Variants in CREB3L2 observed in about 807,000 individuals in gnomAD.
CREB3L2 encodes the protein cyclic AMP-responsive element-binding protein 3-like protein 2.
CREB3L2 carries 23 observed loss-of-function variants against 57.2 expected under a neutral mutation model. That is an observed-to-expected ratio of 0.40 (90% CI 0.29 to 0.57). The LOEUF (loss-of-function observed/expected upper bound fraction) is 0.57, where lower values mean the gene tolerates loss of function less well. CREB3L2 is among the 20% of genes least tolerant of loss of function. The pLI, the probability that CREB3L2 is intolerant of heterozygous loss-of-function variation, is 0.42. For synonymous variants in CREB3L2, 268 were observed against 265.1 expected (o/e 1.01, Z -0.11); for missense variants, 628 against 634.7 (o/e 0.99, Z 0.11).
Position 138,001,433 on chromosome 7 carries a change from G to A in CREB3L2, c.102+171C>T, listed in dbSNP as rs1231816554. Among the ~76,000 whole-genome samples the A allele has an allele frequency of 6.6e-6, 1 of 152,226 alleles. No individual in the cohort carries two copies. Among genetic ancestry groups the A allele is most frequent in the Admixed American group, 6.5e-5 (1 of 15,284 alleles). On this transcript the variant is annotated intron_variant, in intron 1 of 11. Transcript: ENST00000330387. This position sits in a 1 kb window ranked among gnomAD's most constrained non-coding sequence, Gnocchi z 4.2. ...CATGAGAAATGTAAAGGGGCCAGCT[G>A]CCCGCCTTCATCTGCTCAGACATTA...
rs1448567741 is a variant in CREB3L2 at position 137,956,619 on chromosome 7, A to G, written c.103-28253T>C. 7.8e-6 allele frequency: 10 copies of G among 1,289,018 alleles called. No individual in the cohort carries two copies. The East Asian group carries it at 4.4e-4, about 57-fold the overall frequency. 79.8% of individuals were successfully genotyped at this position (1,289,018 alleles called of 1,614,324 possible). The stretch of plus-strand genomic sequence containing the variant: ...TCCTTCACACGGACAGCCATGCCGA[A>G]TATTTCTCGAGAAGCCAGCAGCCCA... On this transcript the variant is annotated intron_variant, in intron 1 of 11. Coordinates refer to ENST00000330387, the MANE Select transcript of CREB3L2 (RefSeq NM_194071.4).
chr7:137,993,581 G>A (rs575120722), intron 1 of CREB3L2, among the ~76,000 whole-genome samples: 4 of 152,266 alleles, frequency 2.6e-5, no homozygotes, highest in East Asian at 1.9e-4. Context: ...GTATAGAGGC[G>A]TGATCACAGC....
intron 2 of CREB3L2, among the ~76,000 whole-genome samples, chr7:137,923,765 A>C (rs1800386492): frequency 6.6e-6 from 1 of 151,764 alleles, no homozygotes; most frequent in Admixed American, 6.6e-5. Flanking sequence ...TCATTTCAAA[A>C]CCCATTTTTT....
intron 1 of CREB3L2, among the ~76,000 whole-genome samples, chr7:137,975,295 A>G (rs775593811): frequency 2.6e-5 from 4 of 152,162 alleles, no homozygotes; most frequent in Admixed American, 6.5e-5. Flanking sequence ...TGTGAGCCCA[A>G]GAGGCTCTCA....
intron 1 of CREB3L2, among the ~76,000 whole-genome samples, chr7:137,972,707 A>ACAACAACAAC (rs1563270106): frequency 4.5e-5 from 2 of 44,236 alleles, no homozygotes; most frequent in Admixed American, 2.7e-4. Context: ...AAAAAAAAAA[A>ACAACAACAAC]AAAAAATATA....
intron 1 of CREB3L2, among the ~76,000 whole-genome samples, chr7:137,952,250 A>T (rs1712402625): frequency 6.6e-6 from 1 of 152,148 alleles, no homozygotes; most frequent in South Asian, 2.1e-4. Flanking sequence ...GGTTTGATTT[A>T]CTTTTCTGGG....
At chr7:137,939,272 C>G (rs921226961) in intron 1 of CREB3L2, among the ~76,000 whole-genome samples, 2 of 152,100 alleles carry the variant, frequency 1.3e-5, no homozygotes, top group African/African-American at 4.8e-5. Flanking sequence ...GAGAATTATC[C>G]CGAGGGTAGA....
chr7:137,985,492 G>A (rs772205008), intron 1 of CREB3L2, among the ~76,000 whole-genome samples: 113 of 152,210 alleles, frequency 7.4e-4, no homozygotes, highest in Non-Finnish European at 1.1e-3. Context: ...ACTGCAGGCA[G>A]TAGCCCTACC....
chr7:137,905,910 C>T lies in CREB3L2; in HGVS notation c.769-62G>A. The T allele has an allele frequency of 2.8e-6, 4 of 1,442,784 alleles. No individual in the cohort carries two copies. In the South Asian group the frequency reaches 4.0e-5, roughly 15 times the overall value. The allele number at this position is 1,442,784 out of a possible 1,614,324, so 89.4% of individuals were successfully genotyped here. A position where few individuals can be genotyped will look rare whatever the true frequency, so the allele number is the denominator to read the frequency against. Reference sequence around the variant, plus strand: ...AAGAACTGGGACCACTGAAGAATCACCTCCCAATGGGATGATGAGAATCTG... The same window carrying T: ...AAGAACTGGGACCACTGAAGAATCATCTCCCAATGGGATGATGAGAATCTG... On this transcript the variant is annotated intron_variant, in intron 5 of 11. Transcript: ENST00000330387.
intron 1 of CREB3L2, chr7:137,999,839 T>A (rs913031490): frequency 3.9e-5 from 6 of 152,214 alleles, no homozygotes; most frequent in Non-Finnish European, 7.3e-5. Flanking sequence ...AAGCATTTTT[T>A]AAAAATAGAA....
At chr7:137,903,120 G>A (rs1585608324) in intron 7 of CREB3L2, among the ~76,000 whole-genome samples, 1 of 152,240 alleles carries the variant, frequency 6.6e-6, no homozygotes, top group East Asian at 1.9e-4. Context: ...GCCTATTGAA[G>A]TTTTTTTCTG....
intron 5 of CREB3L2, among the ~76,000 whole-genome samples, chr7:137,907,481 G>A (rs1799915930): frequency 6.6e-6 from 1 of 152,186 alleles, no homozygotes; most frequent in Non-Finnish European, 1.5e-5. Context: ...TAAGAATGTG[G>A]TTGCAGATCT....
At chr7:137,932,711 C>A (rs1585639103) in intron 1 of CREB3L2, among the ~76,000 whole-genome samples, 1 of 152,330 alleles carries the variant, frequency 6.6e-6, no homozygotes, top group East Asian at 1.9e-4. Flanking sequence ...TCCCTAGAAG[C>A]TTACAAAGTT....
chr7:137,901,874 C>CCAAAAAA (rs1799765698), intron 7 of CREB3L2, among the ~76,000 whole-genome samples: 1 of 57,838 alleles, frequency 1.7e-5, no homozygotes, highest in Non-Finnish European at 3.2e-5. Flanking sequence ...AGATCTGTCT[C>CCAAAAAA]AAAAAAAAAA....
rs1012565791 is a variant in CREB3L2, at chr7:137,909,961, C to T, written c.584-1525G>A. Among the ~76,000 whole-genome samples, 4 of 152,272 alleles carry T rather than the reference C, an allele frequency of 2.6e-5. No individual in the cohort carries two copies. In the South Asian group the frequency reaches 6.2e-4, roughly 24 times the overall value. On this transcript the variant is annotated intron_variant, in intron 4 of 11. Transcript: ENST00000330387. Reference sequence around the variant, plus strand: ...GGTTCTCATTTTCTCTATTGCCTGACGCCTTGTAAAATGTGCCTTTCGCTT... The same window carrying T: ...GGTTCTCATTTTCTCTATTGCCTGATGCCTTGTAAAATGTGCCTTTCGCTT...
At chr7:137,982,354 T>C (rs1801725009) in intron 1 of CREB3L2, among the ~76,000 whole-genome samples, 1 of 152,268 alleles carries the variant, frequency 6.6e-6, no homozygotes, top group South Asian at 2.1e-4. Flanking sequence ...GGGAACCTTA[T>C]GAAACTCTAG....
intron 1 of CREB3L2, among the ~76,000 whole-genome samples, chr7:137,941,814 A>T (rs186581763): frequency 3.9e-5 from 6 of 152,336 alleles, no homozygotes; most frequent in Non-Finnish European, 7.4e-5. Context: ...AATAAATGTT[A>T]GCTGTTTTAT....
At chr7:137,920,744 G>A (rs560661601) in intron 2 of CREB3L2, among the ~76,000 whole-genome samples, 9 of 152,284 alleles carry the variant, frequency 5.9e-5, no homozygotes, top group Non-Finnish European at 1.2e-4. Flanking sequence ...CACAAAATAC[G>A]AAATGACTTC....
At chr7:137,921,476 T>C (rs1800273061) in intron 2 of CREB3L2, among the ~76,000 whole-genome samples, 1 of 152,134 alleles carries the variant, frequency 6.6e-6, no homozygotes. Flanking sequence ...TATCAAATCA[T>C]CAAGATAGGC....
Sources: gnomAD v4.1 joint callset for allele counts (sites outside exome capture counted in the v4.1 genomes callset) on GRCh38, gnomAD v4.1.1 for gene constraint, Gnocchi (gnomAD v3.1) non-coding constraint, MANE v1.5 for transcripts, NCBI Gene and HGNC (gene_info 2026-07-23, HGNC 2026-07-21) for gene names.